RUNX2: variants seen among roughly 807,000 people sequenced by gnomAD.
RUNX2 encodes the protein RUNX family transcription factor 2, also known as runt-related transcription factor 2.
Under a neutral mutation model 51.7 loss-of-function variants are expected in RUNX2, and 10 were observed. That is an observed-to-expected ratio of 0.19 (90% CI 0.12 to 0.33). RUNX2 has a LOEUF of 0.33. Ranked by LOEUF, RUNX2 falls within the 10% of genes least tolerant of loss-of-function variation. The probability of loss-of-function intolerance (pLI) is 1.00; values close to 1 mark genes in which losing one functional copy is unlikely to be tolerated. For missense variants in RUNX2, 562 were observed against 691.3 expected, an observed-to-expected ratio of 0.81 and a Z score of 2.10; for synonymous variants, 276 against 273.6, an observed-to-expected ratio of 1.01 and a Z score of -0.09.
chr6:45,422,331 C>G, intron 2 of RUNX2: 2 of 458,098 alleles, frequency 4.4e-6, no homozygotes, highest in Non-Finnish European at 7.7e-6. Flanking sequence ...AAGACTCCGG[C>G]AAAGATCTGC....
chr6:45,420,224 C>T (rs975247677), intron 2 of RUNX2, among the ~76,000 whole-genome samples: 1 of 152,134 alleles, frequency 6.6e-6, no homozygotes, highest in Non-Finnish European at 1.5e-5. Context: ...GCAACCACAG[C>T]CCCCCAAGCT....
chr6:45,382,656 A>G (rs1166309531), intron 2 of RUNX2, among the ~76,000 whole-genome samples: 1 of 152,224 alleles, frequency 6.6e-6, no homozygotes, highest in Admixed American at 6.5e-5. Context: ...ATCATGTGAT[A>G]TGAGGTCAGA....
At chr6:45,448,874 G>T (rs1330862799) in intron 5 of RUNX2, among the ~76,000 whole-genome samples, 1 of 152,128 alleles carries the variant, frequency 6.6e-6, no homozygotes, top group Admixed American at 6.5e-5. Context: ...GATGATGAAG[G>T]TACCAAATGC....
chr6:45,350,080 A>C (rs1427463101), intron 2 of RUNX2, among the ~76,000 whole-genome samples: 1 of 152,250 alleles, frequency 6.6e-6, no homozygotes, highest in Admixed American at 6.5e-5. Flanking sequence ...ACACAAAACT[A>C]TAAACTGCAA....
chr6:45,416,098 G>A (rs967608012), intron 2 of RUNX2, among the ~76,000 whole-genome samples: 2 of 152,130 alleles, frequency 1.3e-5, no homozygotes, highest in Admixed American at 6.5e-5. Flanking sequence ...CTGAGAGAAC[G>A]GTTTCTGAGT....
chr6:45,339,706 C>T (rs12199720), intron 2 of RUNX2, among the ~76,000 whole-genome samples: 90,702 of 151,836 alleles, frequency 0.6, 27,496 homozygotes, highest in African/African-American at 0.66. Context: ...AGTACATAAT[C>T]AATCTAATCC....
intron 7 of RUNX2, among the ~76,000 whole-genome samples, chr6:45,520,479 A>C (rs1253206932): frequency 6.6e-6 from 1 of 152,194 alleles, no homozygotes; most frequent in Non-Finnish European, 1.5e-5. Flanking sequence ...GTCTCCCAAA[A>C]TATTTGACTC....
chr6:45,514,594 C>T (rs1190281476), intron 7 of RUNX2, among the ~76,000 whole-genome samples: 1 of 152,140 alleles, frequency 6.6e-6, no homozygotes, highest in Non-Finnish European at 1.5e-5. Flanking sequence ...CTCTTGTCAG[C>T]ATGTAGGTAG....
chr6:45,371,311 A>C, intron 2 of RUNX2, among the ~76,000 whole-genome samples: 1 of 152,200 alleles, frequency 6.6e-6, no homozygotes, highest in East Asian at 1.9e-4. Flanking sequence ...CCAAAAAGAA[A>C]AAGGACTGGG....
intron 2 of RUNX2, among the ~76,000 whole-genome samples, chr6:45,378,464 G>T (rs1797114559): frequency 6.6e-6 from 1 of 152,216 alleles, no homozygotes; most frequent in African/African-American, 2.4e-5. Context: ...CGCAGTACAG[G>T]CGTGTGGATG....
At chr6:45,415,715 C>A (rs1563075664) in intron 2 of RUNX2, among the ~76,000 whole-genome samples, 2 of 152,124 alleles carry the variant, frequency 1.3e-5, no homozygotes, top group Non-Finnish European at 2.9e-5. Flanking sequence ...AACCAGGAAG[C>A]AAAACCCTTT....
At chr6:45,384,855 C>G (rs1303377336) in intron 2 of RUNX2, among the ~76,000 whole-genome samples, 2 of 151,520 alleles carry the variant, frequency 1.3e-5, no homozygotes, top group Non-Finnish European at 2.9e-5. Flanking sequence ...TGCACACCAC[C>G]ATACCCTGTT....
At chr6:45,543,445 T>A (rs561339510) in intron 7 of RUNX2, among the ~76,000 whole-genome samples, 3 of 152,328 alleles carry the variant, frequency 2.0e-5, no homozygotes, top group Admixed American at 2.0e-4. Flanking sequence ...CCTTTGGCTT[T>A]ATCTATCCAG....
At chr6:45,524,747 C>G (rs750705350) in intron 7 of RUNX2, among the ~76,000 whole-genome samples, 1 of 152,146 alleles carries the variant, frequency 6.6e-6, no homozygotes, top group Non-Finnish European at 1.5e-5. Flanking sequence ...TGGTACTCAT[C>G]ATTAAAGAAA....
chr6:45,526,622 C>T (rs1242367255), intron 7 of RUNX2, among the ~76,000 whole-genome samples: 1 of 152,176 alleles, frequency 6.6e-6, no homozygotes, highest in African/African-American at 2.4e-5. Context: ...CAAGTTATTG[C>T]CAACATTAAA....
chr6:45,352,663 CCTAG>C (rs1792301744), intron 2 of RUNX2, among the ~76,000 whole-genome samples: 1 of 152,036 alleles, frequency 6.6e-6, no homozygotes, highest in South Asian at 2.1e-4. Context: ...AGCAACTGTA[CCTAG>C]TATTCTGTTT....
chr6:45,488,103 G>C (rs1355327370), intron 5 of RUNX2, among the ~76,000 whole-genome samples: 1 of 152,180 alleles, frequency 6.6e-6, no homozygotes, highest in Non-Finnish European at 1.5e-5. Context: ...CAGCTGCCCA[G>C]AGAGAAATGC....
intron 7 of RUNX2, among the ~76,000 whole-genome samples, chr6:45,544,764 G>A (rs1465304553): frequency 2.0e-5 from 3 of 152,218 alleles, no homozygotes; most frequent in South Asian, 2.1e-4. Context: ...CCTGAGGAAC[G>A]TCTGTGGCCT....
intron 2 of RUNX2, among the ~76,000 whole-genome samples, chr6:45,380,851 A>G (rs1441242300): frequency 2.6e-5 from 4 of 152,188 alleles, no homozygotes; most frequent in Admixed American, 6.5e-5. Context: ...CTGGGATTAC[A>G]GGTGTCAGCC....
Sources: allele counts gnomAD v4.1 joint callset (sites outside exome capture counted in the v4.1 genomes callset), GRCh38; gene constraint gnomAD v4.1.1; transcripts MANE v1.5; gene names NCBI Gene and HGNC (gene_info 2026-07-23, HGNC 2026-07-21).